Variants in DISP1 observed in about 807,000 individuals in gnomAD.
The protein encoded by DISP1 is protein dispatched homolog 1.
Under a neutral mutation model 37.3 loss-of-function variants are expected in DISP1, and 30 were observed. The ratio of observed to expected loss-of-function variants is 0.80; its 90% CI spans 0.60 to 1.09. The LOEUF (loss-of-function observed/expected upper bound fraction) is 1.09. Among genes scored for constraint, DISP1 ranks in the 50% least tolerant of loss-of-function variants. The probability of loss-of-function intolerance (pLI) is 0.00; values close to 1 mark genes in which losing one functional copy is unlikely to be tolerated. For missense variants in DISP1, 1,598 were observed against 1,879.5 expected, an observed-to-expected ratio of 0.85 and a Z score of 2.77; for synonymous variants, 634 against 690.2, an observed-to-expected ratio of 0.92 and a Z score of 1.28.
At chr1:222,887,788 G>A (rs1257138432) in intron 1 of DISP1, among the ~76,000 whole-genome samples, 1 of 63,536 alleles carries the variant, frequency 1.6e-5, no homozygotes, top group African/African-American at 5.0e-5. Flanking sequence ...GTGAGCCACC[G>A]CGCCCGGCCT....
At chr1:222,987,056 T>C (rs942981943) in intron 4 of DISP1, among the ~76,000 whole-genome samples, 11 of 151,112 alleles carry the variant, frequency 7.3e-5, no homozygotes, top group African/African-American at 2.7e-4. Context: ...GATATATATA[T>C]ATATATATAG....
rs1085307664 is a variant in DISP1 at position 222,990,628 on chromosome 1, T to C, written c.543T>C (p.Tyr181=). The change falls in exon 5 of 9, where the codon TAT becomes TAC. Residue 181 remains tyrosine (Y), a synonymous_variant. Transcript: ENST00000675850. ...PSRPFKLPKS[Y]AALIADWPVV... Reference sequence around the variant, plus strand: ...GACACTTCTTTGTGTTTTGTAGTTATGCAGCCCTGATAGCCGACTGGCCGG... The same window carrying C: ...GACACTTCTTTGTGTTTTGTAGTTACGCAGCCCTGATAGCCGACTGGCCGG... The C allele has an allele frequency of 6.2e-7, 1 of 1,614,088 alleles. No individual in the cohort carries two copies. The highest frequency in any genetic ancestry group is 1.7e-4 in the Middle Eastern group (1 of 6,060).
chr1:222,934,080 T>C (rs1309252071), intron 2 of DISP1, among the ~76,000 whole-genome samples: 1 of 152,078 alleles, frequency 6.6e-6, no homozygotes, highest in Non-Finnish European at 1.5e-5. Flanking sequence ...TTGGGAAATA[T>C]CGAATTCATA....
intron 8 of DISP1, among the ~76,000 whole-genome samples, chr1:222,996,005 A>G (rs1229080563): frequency 2.0e-5 from 3 of 152,024 alleles, no homozygotes; most frequent in Admixed American, 6.6e-5. Flanking sequence ...TTGGTCCCAG[A>G]CCTCCCAGAT....
chr1:222,988,316 T>C (rs1332489127), intron 4 of DISP1, among the ~76,000 whole-genome samples: 2 of 152,192 alleles, frequency 1.3e-5, no homozygotes, highest in Non-Finnish European at 2.9e-5. Flanking sequence ...TTATTCCTAA[T>C]GTTTCTAGTT....
At chr1:222,990,797 G>A (rs1553255504) in intron 5 of DISP1, 49 bp downstream of exon 5, 34 of 1,608,714 alleles carry the variant, frequency 2.1e-5, no homozygotes, top group Non-Finnish European at 2.8e-5. Flanking sequence ...TCCAAATATT[G>A]TGTATTTTAA....
chr1:222,819,534 ATATCT>A (rs1344416641), intron 1 of DISP1, among the ~76,000 whole-genome samples: 1 of 95,402 alleles, frequency 1.0e-5, no homozygotes, highest in Non-Finnish European at 2.1e-5. Flanking sequence ...ACACACACAC[ATATCT>A]TTTTTTTTTT....
intron 1 of DISP1, among the ~76,000 whole-genome samples, chr1:222,869,436 G>GGT (rs1251479500): frequency 6.6e-6 from 1 of 152,024 alleles, no homozygotes; most frequent in Non-Finnish European, 1.5e-5. Flanking sequence ...TCTCAATTTA[G>GGT]GTGTGTGTGT....
At chr1:222,994,222 C>A (rs1356697572) in intron 7 of DISP1, among the ~76,000 whole-genome samples, 1 of 152,150 alleles carries the variant, frequency 6.6e-6, no homozygotes, top group Non-Finnish European at 1.5e-5. Context: ...GGTCACGTAG[C>A]TAGTAAATGA....
At chr1:222,865,611 A>G (rs1241043436) in intron 1 of DISP1, among the ~76,000 whole-genome samples, 1 of 152,238 alleles carries the variant, frequency 6.6e-6, no homozygotes, top group Non-Finnish European at 1.5e-5. Context: ...GCAAAGATAT[A>G]TTCTGTATCT....
At chr1:222,886,837 A>G (rs1471105011) in intron 1 of DISP1, among the ~76,000 whole-genome samples, 1 of 152,234 alleles carries the variant, frequency 6.6e-6, no homozygotes. Flanking sequence ...TCATATTTAC[A>G]TAAGAGTTTT....
Position 223,005,878 on chromosome 1 carries a change from T to G in DISP1, c.4481T>G (p.Val1494Gly). The change falls in exon 9 of 9, where the codon GTG (valine) becomes GGG (glycine). Residue 1494 changes from valine (V) to glycine (G), a missense_variant. Val to Gly is a moderately radical substitution (Grantham distance 109, BLOSUM62 -3). Transcript: ENST00000675850. ...ATTGTGAGAGTGAAGTGCAATTCTGTGGACTGTCAAATGCCAAACATGGAA... is the reference window on the plus strand; with the variant it reads ...ATTGTGAGAGTGAAGTGCAATTCTGGGGACTGTCAAATGCCAAACATGGAA... The part of the protein sequence containing the change: ...GRIVRVKCNS[V>G]DCQMPNMEAN... The G allele has an allele frequency of 6.2e-7, 1 of 1,614,216 alleles. No individual in the cohort carries two copies. Among genetic ancestry groups the G allele is most frequent in the Non-Finnish European group, 8.5e-7 (1 of 1,180,042 alleles).
intron 1 of DISP1, among the ~76,000 whole-genome samples, chr1:222,828,680 C>T (rs1370235141): frequency 1.3e-5 from 2 of 152,150 alleles, no homozygotes; most frequent in Non-Finnish European, 2.9e-5. Flanking sequence ...CTATAGCTCC[C>T]CTCCCCATCA....
chr1:222,891,999 G>GGGAGA (rs973987691), intron 1 of DISP1, among the ~76,000 whole-genome samples: 3 of 151,966 alleles, frequency 2.0e-5, no homozygotes, highest in Non-Finnish European at 4.4e-5. Flanking sequence ...AATGGGGGTG[G>GGGAGA]GGAGAGGAGA....
chr1:222,967,897 A>G (rs781782211), intron 3 of DISP1, among the ~76,000 whole-genome samples: 13 of 152,148 alleles, frequency 8.5e-5, no homozygotes, highest in Non-Finnish European at 1.2e-4. Context: ...TATAGTTCTT[A>G]TATTTGGTTT....
At chr1:222,887,454 A>T (rs1457023697) in intron 1 of DISP1, among the ~76,000 whole-genome samples, 1 of 148,802 alleles carries the variant, frequency 6.7e-6, no homozygotes, top group Admixed American at 6.7e-5. Context: ...AGTTTCCTGA[A>T]TTAGGTAATT....
At chr1:222,871,587 C>G (rs1669578973) in intron 1 of DISP1, among the ~76,000 whole-genome samples, 1 of 130,198 alleles carries the variant, frequency 7.7e-6, no homozygotes, top group Admixed American at 8.0e-5. Context: ...ATTTGGCTCT[C>G]TGTCTGTTAT....
At chr1:222,930,781 G>A (rs1284808389) in intron 2 of DISP1, among the ~76,000 whole-genome samples, 1 of 152,002 alleles carries the variant, frequency 6.6e-6, no homozygotes, top group African/African-American at 2.4e-5. Context: ...TATAAAAGTT[G>A]CACCCAGGCC....
At chr1:222,911,447 C>T (rs983751666) in intron 1 of DISP1, among the ~76,000 whole-genome samples, 1 of 152,042 alleles carries the variant, frequency 6.6e-6, no homozygotes, top group Non-Finnish European at 1.5e-5. Context: ...AGGAAGGGCA[C>T]CTTCTAGTAC....
Sources: allele counts gnomAD v4.1 joint callset (sites outside exome capture counted in the v4.1 genomes callset), GRCh38; gene constraint gnomAD v4.1.1; transcripts MANE v1.5; gene names NCBI Gene and HGNC (gene_info 2026-07-23, HGNC 2026-07-21).